Variants in PGM2 observed in about 807,000 individuals in gnomAD.
The protein encoded by PGM2 is phosphoglucomutase 2, also known as phosphopentomutase.
PGM2 carries 57 observed loss-of-function variants against 74.6 expected under a neutral mutation model. The observed-to-expected ratio is 0.76, with a 90% CI of 0.62 to 0.95. PGM2 has a LOEUF of 0.95. PGM2 is among the 40% of genes least tolerant of loss of function. The pLI is 0.00. For synonymous variants in PGM2, 273 were observed against 260.7 expected (o/e 1.05, Z -0.46); for missense variants, 706 against 741.9 (o/e 0.95, Z 0.56).
chr4:37,844,638 T>C (rs897342580), intron 7 of PGM2, 85 bp downstream of exon 7: 13 of 884,674 alleles, frequency 1.5e-5, no homozygotes, highest in African/African-American at 5.1e-5. Context: ...TTATGTGTTT[T>C]CATTGTGCTG....
In PGM2 at chr4:37,862,675, G is replaced by A. The variant is rs1469126302; in HGVS notation, c.*1063G>A. The A allele has an allele frequency of 1.3e-5, 2 of 151,840 alleles. No homozygotes were observed. The highest frequency in any genetic ancestry group is 2.9e-5 in the Non-Finnish European group (2 of 67,982). The allele number at this position is 151,840 out of a possible 1,614,324, so 9.4% of individuals were successfully genotyped here. A position where few individuals can be genotyped will look rare whatever the true frequency, so the allele number is the denominator to read the frequency against. The stretch of plus-strand genomic sequence containing the variant: ...TTTTACATTATTTCTGATTTTTAAA[G>A]CAAATGATTGCCATTATGATTACAC... On this transcript the variant is annotated 3_prime_UTR_variant, in exon 14 of 14. Coordinates refer to ENST00000381967, the MANE Select transcript of PGM2 (RefSeq NM_018290.4).
intron 12 of PGM2, among the ~76,000 whole-genome samples, chr4:37,853,010 A>C (rs537918392): frequency 2.6e-5 from 4 of 152,170 alleles, no homozygotes; most frequent in Non-Finnish European, 5.9e-5. Flanking sequence ...GAGCTCTTAG[A>C]TGCTGGCTTT....
intron 7 of PGM2, among the ~76,000 whole-genome samples, chr4:37,844,868 T>C (rs937613287): frequency 2.6e-5 from 4 of 151,276 alleles, no homozygotes; most frequent in African/African-American, 9.7e-5. Context: ...CTTGGGAGGC[T>C]GAGGCGCTAG....
At chr4:37,831,155 T>C (rs938912137) in intron 2 of PGM2, among the ~76,000 whole-genome samples, 1 of 128,638 alleles carries the variant, frequency 7.8e-6, no homozygotes, top group Non-Finnish European at 1.6e-5. Context: ...ATTGTGCCAC[T>C]GGACTCCAGC....
At chr4:37,859,309 C>T (rs533621199) in intron 13 of PGM2, among the ~76,000 whole-genome samples, 3 of 152,238 alleles carry the variant, frequency 2.0e-5, no homozygotes, top group South Asian at 2.1e-4. Flanking sequence ...TGGTACTAGG[C>T]AGGTTTCCAG....
intron 4 of PGM2, among the ~76,000 whole-genome samples, chr4:37,837,954 C>G (rs528360848): frequency 8.5e-5 from 13 of 152,102 alleles, no homozygotes; most frequent in African/African-American, 3.1e-4. Context: ...GATCTTGGCT[C>G]ACTGCAACCT....
At position 37,862,440 on chromosome 4, in the gene PGM2, G is replaced by A. The variant is rs1201952119; in HGVS notation, c.*828G>A. ...AGCAAGAACTATTTACTTGACCCTC[G>A]TTTTTTTCTCTTGTTCTTGTGTGGT... On this transcript the variant is annotated 3_prime_UTR_variant, in exon 14 of 14. Transcript: ENST00000381967. The A allele has an allele frequency of 6.6e-6, 1 of 151,890 alleles. No homozygotes were observed. The highest frequency in any genetic ancestry group is 1.9e-4 in the East Asian group (1 of 5,194). 9.4% of individuals were successfully genotyped at this position (151,890 alleles called of 1,614,324 possible).
intron 8 of PGM2, 89 bp from the exon 9 acceptor site, chr4:37,846,842 T>C (rs959408762): frequency 3.0e-6 from 3 of 1,002,488 alleles, no homozygotes; most frequent in Non-Finnish European, 4.4e-6. Context: ...GATGCTTTGT[T>C]TGCTAAATTG....
intron 6 of PGM2, among the ~76,000 whole-genome samples, chr4:37,843,684 A>G (rs1037032337): frequency 6.6e-6 from 1 of 150,962 alleles, no homozygotes; most frequent in Non-Finnish European, 1.5e-5. Flanking sequence ...ATCTCGGCTC[A>G]CTGCAACCTC....
chr4:37,838,712 G>C (rs1577675048), intron 4 of PGM2, among the ~76,000 whole-genome samples: 1 of 152,160 alleles, frequency 6.6e-6, no homozygotes, highest in South Asian at 2.1e-4. Context: ...TGGAAAAATT[G>C]TCATGTATTC....
intron 12 of PGM2, among the ~76,000 whole-genome samples, chr4:37,855,024 T>C (rs558495268): frequency 2.0e-5 from 3 of 152,256 alleles, no homozygotes; most frequent in Non-Finnish European, 4.4e-5. Flanking sequence ...ATATTGATCA[T>C]GTATTTGTAG....
chr4:37,859,063 A>G (rs1711667181), intron 13 of PGM2, among the ~76,000 whole-genome samples: 1 of 152,212 alleles, frequency 6.6e-6, no homozygotes, highest in Non-Finnish European at 1.5e-5. Context: ...GCTGTGTTCC[A>G]GTAAAACTAC....
rs3733496 is a variant in PGM2 at position 37,855,733 on chromosome 4, T to A, written c.1728T>A (p.Pro576=). ...IKYYAELCAP[P]GNSDPEQLKK... ...ACTATGCAGAGCTGTGTGCCCCACC[T>A]GGGAACAGGTATGATGTGGATGGCA... The change falls in exon 13 of 14, where the codon CCT becomes CCA. Residue 576 remains proline (P), a synonymous_variant. Transcript: ENST00000381967. 155 of 1,610,370 alleles carry A rather than the reference T, an allele frequency of 9.6e-5. No homozygotes were observed. The East Asian group carries it at 3.3e-3, about 34-fold the overall frequency.
chr4:37,833,589 AG>A (rs1725490665), intron 2 of PGM2, among the ~76,000 whole-genome samples: 1 of 152,188 alleles, frequency 6.6e-6, no homozygotes, highest in Admixed American at 6.5e-5. Flanking sequence ...TATTTTAATA[AG>A]ACTTCCTTTA....
In PGM2 at chr4:37,850,319, T is replaced by C. The variant is rs145488579; in HGVS notation, c.1548T>C (p.Ser516=). ...AAGCTTGTGGCAAATTTGAAATTTC[T>C]GCCATTAGGGACCTTACAACTGGCT... ...YPKACGKFEI[S]AIRDLTTGYD... is the part of the protein sequence containing the mutation. The change falls in exon 12 of 14, where the codon TCT becomes TCC. Residue 516 remains serine (S), a synonymous_variant. Coordinates refer to ENST00000381967, the MANE Select transcript of PGM2 (RefSeq NM_018290.4). 1.9e-5 allele frequency: 31 copies of C among 1,592,722 alleles called. No individual in the cohort carries two copies. Among genetic ancestry groups the C allele is most frequent in the Non-Finnish European group, 2.1e-5 (25 of 1,174,116 alleles).
At chr4:37,846,504 T>C (rs2152178740) in intron 8 of PGM2, among the ~76,000 whole-genome samples, 1 of 152,332 alleles carries the variant, frequency 6.6e-6, no homozygotes, top group South Asian at 2.1e-4. Context: ...GAGCTTGATC[T>C]TAAGGGGTAC....
intron 2 of PGM2, among the ~76,000 whole-genome samples, chr4:37,831,684 T>G (rs1291186832): frequency 6.6e-6 from 1 of 152,210 alleles, no homozygotes; most frequent in African/African-American, 2.4e-5. Flanking sequence ...AGAGAGAATG[T>G]GCCAATTGGA....
At chr4:37,844,256 A>G in intron 6 of PGM2, 108 bp from the exon 7 acceptor site, 1 of 667,398 alleles carries the variant, frequency 1.5e-6, no homozygotes, top group Non-Finnish European at 2.6e-6. Flanking sequence ...GTTTTTCTGA[A>G]ATGGAATTAG....
At chr4:37,861,337 G>A (rs998651809) in intron 13 of PGM2, among the ~76,000 whole-genome samples, 173 bp from the exon 14 acceptor site, 1 of 152,110 alleles carries the variant, frequency 6.6e-6, no homozygotes, top group Non-Finnish European at 1.5e-5. Context: ...GGGGTGTTTT[G>A]TCTAAGTCAA....
Sources: gnomAD v4.1 joint callset for allele counts (sites outside exome capture counted in the v4.1 genomes callset) on GRCh38, gnomAD v4.1.1 for gene constraint, MANE v1.5 for transcripts, NCBI Gene and HGNC (gene_info 2026-07-23, HGNC 2026-07-21) for gene names.